The following MACROD2 variants were observed in gnomAD, a reference collection of about 807,000 sequenced individuals.
MACROD2 encodes ADP-ribose glycohydrolase MACROD2.
A neutral mutation model predicts 70.4 loss-of-function variants in MACROD2; 36 were observed. The ratio of observed to expected loss-of-function variants is 0.51; its 90% CI spans 0.39 to 0.68. The LOEUF is 0.68. Among genes scored for constraint, MACROD2 ranks in the 30% least tolerant of loss-of-function variants. The pLI is 0.00. For missense variants in MACROD2, 496 were observed against 538.4 expected, an observed-to-expected ratio of 0.92 and a Z score of 0.78; for synonymous variants, 172 against 178.8, an observed-to-expected ratio of 0.96 and a Z score of 0.30.
intron 3 of MACROD2, among the ~76,000 whole-genome samples, chr20:14,348,822 C>T (rs2083090847): frequency 6.6e-6 from 1 of 152,076 alleles, no homozygotes; most frequent in Non-Finnish European, 1.5e-5. Context: ...ATTAACAGCA[C>T]TTTGGGAGGC....
chr20:15,671,552 A>C (rs2049980030), intron 8 of MACROD2, among the ~76,000 whole-genome samples: 1 of 152,230 alleles, frequency 6.6e-6, no homozygotes, highest in Non-Finnish European at 1.5e-5. Flanking sequence ...TGTTCATAGA[A>C]TCCTTAATGG....
chr20:15,080,809 C>T (rs1200256580), intron 5 of MACROD2, among the ~76,000 whole-genome samples: 1 of 152,068 alleles, frequency 6.6e-6, no homozygotes, highest in Non-Finnish European at 1.5e-5. Context: ...AATTAGTATC[C>T]TCTTTAACTT....
At chr20:15,358,854 A>G (rs1333649233) in intron 6 of MACROD2, among the ~76,000 whole-genome samples, 1 of 151,476 alleles carries the variant, frequency 6.6e-6, no homozygotes, top group Non-Finnish European at 1.5e-5. Context: ...TGAATGTGCC[A>G]CCCTCATTAT....
chr20:15,664,021 CGG>C (rs1295608108), intron 8 of MACROD2, among the ~76,000 whole-genome samples: 7 of 152,178 alleles, frequency 4.6e-5, no homozygotes, highest in African/African-American at 1.7e-4. Flanking sequence ...CAATGAGAAA[CGG>C]GGAATAAATC....
At chr20:14,028,371 G>T (rs1310458951) in intron 2 of MACROD2, among the ~76,000 whole-genome samples, 1 of 152,164 alleles carries the variant, frequency 6.6e-6, no homozygotes, top group Non-Finnish European at 1.5e-5. Flanking sequence ...GTGGGGGTGG[G>T]ATCTGCTGAG....
intron 3 of MACROD2, among the ~76,000 whole-genome samples, chr20:14,201,182 A>T (rs1009072274): frequency 2.0e-5 from 3 of 152,148 alleles, no homozygotes; most frequent in African/African-American, 7.2e-5. Context: ...TTATGGCATC[A>T]GTTATGTATC....
chr20:15,688,420 T>C (rs1049865854), intron 8 of MACROD2, among the ~76,000 whole-genome samples: 1 of 152,164 alleles, frequency 6.6e-6, no homozygotes, highest in African/African-American at 2.4e-5. Context: ...AGGAGCAATC[T>C]GATATTGACA....
chr20:15,261,927 T>C (rs904423876), intron 6 of MACROD2, among the ~76,000 whole-genome samples: 5 of 151,918 alleles, frequency 3.3e-5, no homozygotes, highest in Admixed American at 6.6e-5. Flanking sequence ...TGTGGGTACA[T>C]GGTAGGTGTA....
At chr20:14,568,133 T>G (rs1333590773) in intron 4 of MACROD2, among the ~76,000 whole-genome samples, 2 of 152,022 alleles carry the variant, frequency 1.3e-5, no homozygotes, top group Non-Finnish European at 2.9e-5. Flanking sequence ...TAAGCATACT[T>G]TTGTGTTACC....
At chr20:16,012,798 G>A (rs1357552379) in intron 15 of MACROD2, among the ~76,000 whole-genome samples, 1 of 152,202 alleles carries the variant, frequency 6.6e-6, no homozygotes, top group Middle Eastern at 3.2e-3. Flanking sequence ...GGCAGGAAGT[G>A]TAACAAGAGA....
At chr20:15,956,318 T>C (rs796623473) in intron 12 of MACROD2, among the ~76,000 whole-genome samples, 72 of 152,348 alleles carry the variant, frequency 4.7e-4, no homozygotes, top group African/African-American at 1.7e-3. Context: ...CTTCTTCTTA[T>C]GAATGCATGC....
At chr20:16,022,551 G>A (rs980955957) in intron 15 of MACROD2, among the ~76,000 whole-genome samples, 6 of 152,116 alleles carry the variant, frequency 3.9e-5, no homozygotes, top group African/African-American at 7.2e-5. Context: ...TGCAGATTAC[G>A]AGGCTCTGCC....
At chr20:14,878,951 C>T (rs2073580891) in intron 5 of MACROD2, among the ~76,000 whole-genome samples, 1 of 152,052 alleles carries the variant, frequency 6.6e-6, no homozygotes, top group South Asian at 2.1e-4. Context: ...TTTAATACCC[C>T]ACCTTCATTA....
chr20:16,015,939 T>C (rs1456266790), intron 15 of MACROD2, among the ~76,000 whole-genome samples: 1 of 152,140 alleles, frequency 6.6e-6, no homozygotes, highest in Non-Finnish European at 1.5e-5. Flanking sequence ...ATGACTTTTT[T>C]ATCTTTGGTT....
At chr20:15,147,794 G>T (rs1454871391) in intron 5 of MACROD2, among the ~76,000 whole-genome samples, 1 of 152,058 alleles carries the variant, frequency 6.6e-6, no homozygotes, top group Non-Finnish European at 1.5e-5. Flanking sequence ...TGAAAAGAGA[G>T]TCAGTGAAGG....
At chr20:15,064,834 T>G (rs1033213839) in intron 5 of MACROD2, among the ~76,000 whole-genome samples, 4 of 152,216 alleles carry the variant, frequency 2.6e-5, no homozygotes, top group African/African-American at 9.6e-5. Flanking sequence ...AGTTTTATGA[T>G]TATTCAAGAG....
chr20:14,992,535 G>T (rs761216247), intron 5 of MACROD2, among the ~76,000 whole-genome samples: 1 of 152,096 alleles, frequency 6.6e-6, no homozygotes, highest in Non-Finnish European at 1.5e-5. Context: ...CTAGCTGACT[G>T]TTGCCATATA....
At chr20:15,371,381 A>G (rs1007764578) in intron 6 of MACROD2, among the ~76,000 whole-genome samples, 1 of 152,164 alleles carries the variant, frequency 6.6e-6, no homozygotes, top group African/African-American at 2.4e-5. Context: ...TTTACTCATA[A>G]CTGCTTTATC....
At chr20:14,182,646 CTGTCT>C (rs2081313961) in intron 3 of MACROD2, among the ~76,000 whole-genome samples, 1 of 152,052 alleles carries the variant, frequency 6.6e-6, no homozygotes, top group African/African-American at 2.4e-5. Context: ...GGTCTTTGGT[CTGTCT>C]TGAGTTAAAT....
Sources: allele counts gnomAD v4.1 joint callset (sites outside exome capture counted in the v4.1 genomes callset), GRCh38; gene constraint gnomAD v4.1.1; transcripts MANE v1.5; gene names NCBI Gene and HGNC (gene_info 2026-07-23, HGNC 2026-07-21).